Variants in RANBP2 observed in about 807,000 individuals in gnomAD.
The protein encoded by RANBP2 is E3 SUMO-protein ligase RanBP2.
RANBP2 carries 57 observed loss-of-function variants against 303.6 expected under a neutral mutation model. The ratio of observed to expected loss-of-function variants is 0.19; its 90% CI spans 0.15 to 0.23. The LOEUF (loss-of-function observed/expected upper bound fraction) is 0.23, where lower values mean the gene tolerates loss of function less well. RANBP2 is among the 10% of genes least tolerant of loss of function. RANBP2 has a pLI of 1.00. For missense variants in RANBP2, 3,138 were observed against 3,780.8 expected (o/e 0.83, Z 4.46); for synonymous variants, 1,167 against 1,301.5 (o/e 0.90, Z 2.23).
intron 12 of RANBP2, among the ~76,000 whole-genome samples, 177 bp downstream of exon 12, chr2:108,752,171 A>G (rs990990600): frequency 6.6e-6 from 1 of 152,072 alleles, no homozygotes; most frequent in Admixed American, 6.6e-5. Flanking sequence ...TAGAGGAGCA[A>G]TGCCTGGCAC....
the RANBP2 span, among the ~76,000 whole-genome samples, chr2:109,078,130 TA>T: frequency 3.0e-5 from 3 of 101,550 alleles, no homozygotes; most frequent in Non-Finnish European, 5.9e-5. Flanking sequence ...CGTGTATATA[TA>T]TATAGCGTGT....
chr2:109,593,396 G>T, the RANBP2 span, among the ~76,000 whole-genome samples: 281 of 142,120 alleles, frequency 2.0e-3, 1 homozygote, highest in African/African-American at 6.8e-3. Flanking sequence ...TTTACAAGTA[G>T]AGAGAGAAAG....
the RANBP2 span, among the ~76,000 whole-genome samples, chr2:109,555,753 A>G: frequency 1.3e-5 from 2 of 152,192 alleles, no homozygotes; most frequent in Non-Finnish European, 2.9e-5. Context: ...TTTCTACCCA[A>G]TAAATACAAA....
At chr2:108,895,997 A>G in the RANBP2 span, 54 of 152,216 alleles carry the variant, frequency 3.5e-4, 2 homozygotes, top group Non-Finnish European at 4.4e-5. Flanking sequence ...GACACATTAT[A>G]ATTTAAATTG....
rs1287233523 is a variant in RANBP2, at chr2:108,730,904, A to G, written c.252+19A>G. 5.0e-6 allele frequency: 8 copies of G among 1,611,458 alleles called. No homozygotes were observed. Among genetic ancestry groups the G allele is most frequent in the Admixed American group, 1.7e-5 (1 of 59,994 alleles). ...TTACAGGGTAAGTTACAGGATTCAAATATAGCCTTTGCATAGCCAAACACA... is the reference window on the plus strand; with the variant it reads ...TTACAGGGTAAGTTACAGGATTCAAGTATAGCCTTTGCATAGCCAAACACA... On this transcript the variant is annotated intron_variant, in intron 3 of 28. Coordinates refer to ENST00000283195, the MANE Select transcript of RANBP2 (RefSeq NM_006267.5).
the RANBP2 span, among the ~76,000 whole-genome samples, chr2:109,337,955 C>T: frequency 5.3e-5 from 8 of 151,996 alleles, no homozygotes; most frequent in Non-Finnish European, 1.2e-4. Flanking sequence ...TGGTCTGGAA[C>T]TCCTGAGTTC....
chr2:109,694,406 C>CTT, the RANBP2 span, among the ~76,000 whole-genome samples: 35,833 of 137,742 alleles, frequency 0.26, 5,892 homozygotes, highest in Non-Finnish European at 0.36. Context: ...AACTAAACCT[C>CTT]TTTTTTTTTT....
chr2:109,674,248 C>A, the RANBP2 span, among the ~76,000 whole-genome samples: 3 of 151,488 alleles, frequency 2.0e-5, no homozygotes, highest in Non-Finnish European at 4.4e-5. Flanking sequence ...AACCCCCCCC[C>A]AAAATGAAGT....
chr2:108,915,931 A>C, the RANBP2 span, among the ~76,000 whole-genome samples: 1 of 152,090 alleles, frequency 6.6e-6, no homozygotes, highest in Non-Finnish European at 1.5e-5. Flanking sequence ...AAAATAAAAA[A>C]AGAGCTGGTG....
chr2:109,012,754 G>A, the RANBP2 span, among the ~76,000 whole-genome samples: 18 of 152,116 alleles, frequency 1.2e-4, no homozygotes, highest in East Asian at 3.9e-4. Flanking sequence ...CTCTACTAAA[G>A]ATACAAAAAA....
the RANBP2 span, among the ~76,000 whole-genome samples, chr2:108,915,441 T>C: frequency 6.6e-6 from 1 of 152,154 alleles, no homozygotes; most frequent in Non-Finnish European, 1.5e-5. Flanking sequence ...AGCTATGTCA[T>C]AGGGTATGTA....
chr2:109,111,654 TAA>T, the RANBP2 span, among the ~76,000 whole-genome samples: 1 of 151,876 alleles, frequency 6.6e-6, no homozygotes, highest in Non-Finnish European at 1.5e-5. Flanking sequence ...TATTATACTT[TAA>T]GTTTTAGGGT....
chr2:109,465,054 A>G, the RANBP2 span, among the ~76,000 whole-genome samples: 1 of 152,326 alleles, frequency 6.6e-6, no homozygotes, highest in South Asian at 2.1e-4. Context: ...TTGTTATACA[A>G]TTGGAATCAT....
At chr2:109,014,606 G>A in the RANBP2 span, among the ~76,000 whole-genome samples, 1 of 152,220 alleles carries the variant, frequency 6.6e-6, no homozygotes, top group African/African-American at 2.4e-5. Context: ...GGAACCTACA[G>A]TCACAAGCCA....
the RANBP2 span, among the ~76,000 whole-genome samples, chr2:109,188,913 C>A: frequency 6.6e-6 from 1 of 152,044 alleles, no homozygotes; most frequent in Non-Finnish European, 1.5e-5. Flanking sequence ...TTTAGTCTCA[C>A]AACTTTTTCT....
the RANBP2 span, chr2:109,129,309 G>A: frequency 1.4e-5 from 11 of 761,278 alleles, no homozygotes; most frequent in Admixed American, 7.0e-5. Context: ...CTGCGCTCAG[G>A]ACTGGGCGGG....
chr2:109,178,057 T>C, the RANBP2 span, among the ~76,000 whole-genome samples: 1 of 152,194 alleles, frequency 6.6e-6, no homozygotes. Flanking sequence ...TGCTAAGGTA[T>C]AAGCAAACAA....
the RANBP2 span, among the ~76,000 whole-genome samples, chr2:109,673,185 G>A: frequency 6.6e-6 from 1 of 152,216 alleles, no homozygotes; most frequent in African/African-American, 2.4e-5. Context: ...AGAGTGAGCT[G>A]TGGAGCCTAA....
chr2:109,275,536 C>T, the RANBP2 span, among the ~76,000 whole-genome samples: 522 of 152,266 alleles, frequency 3.4e-3, 1 homozygote, highest in Admixed American at 6.0e-3. Flanking sequence ...GACTAGAAAG[C>T]GTCACAGGAA....
Sources: allele counts gnomAD v4.1 joint callset (sites outside exome capture counted in the v4.1 genomes callset), GRCh38; gene constraint gnomAD v4.1.1; transcripts MANE v1.5; gene names NCBI Gene and HGNC (gene_info 2026-07-23, HGNC 2026-07-21).